Variants in FAT3 observed in about 807,000 individuals in gnomAD.
FAT3 encodes the protein protocadherin Fat 3.
In FAT3, 95 loss-of-function variants were observed where a neutral mutation model predicts 310.2. The ratio of observed to expected loss-of-function variants is 0.31; its 90% CI spans 0.26 to 0.36. FAT3 has a LOEUF of 0.36. Ranked by LOEUF, FAT3 falls within the 10% of genes least tolerant of loss-of-function variation. The probability of loss-of-function intolerance (pLI) is 1.00; values close to 1 mark genes in which losing one functional copy is unlikely to be tolerated. For missense variants in FAT3, 5,408 were observed against 5,715.6 expected (o/e 0.95, Z 1.74); for synonymous variants, 2,314 against 2,192.9 (o/e 1.06, Z -1.54).
intron 4 of FAT3, among the ~76,000 whole-genome samples, chr11:92,715,710 TTTGA>T (rs1454498944): frequency 1.3e-5 from 2 of 152,036 alleles, no homozygotes; most frequent in Non-Finnish European, 1.5e-5. Flanking sequence ...TATACCCAAC[TTTGA>T]GAAACAACTT....
At chr11:92,785,541 T>C (rs184822379) in intron 7 of FAT3, among the ~76,000 whole-genome samples, 4 of 152,030 alleles carry the variant, frequency 2.6e-5, no homozygotes, top group Admixed American at 6.6e-5. Context: ...AAATTTAATA[T>C]ACAAAAATCA....
At chr11:92,562,867 T>A (rs1367897980) in intron 3 of FAT3, among the ~76,000 whole-genome samples, 1 of 152,182 alleles carries the variant, frequency 6.6e-6, no homozygotes, top group East Asian at 1.9e-4. Context: ...CTCACACAGG[T>A]GAGGGTGGAT....
At chr11:92,838,513 G>A (rs1156642358) in intron 17 of FAT3, among the ~76,000 whole-genome samples, 2 of 152,136 alleles carry the variant, frequency 1.3e-5, no homozygotes, top group African/African-American at 4.8e-5. Flanking sequence ...AGTATTTCTA[G>A]GAGCTGAAAG....
intron 1 of FAT3, among the ~76,000 whole-genome samples, chr11:92,279,096 A>C (rs568122362): frequency 3.9e-5 from 6 of 152,294 alleles, no homozygotes; most frequent in African/African-American, 1.2e-4. Context: ...AGGAAAAGAA[A>C]TATTATTTTA....
intron 22 of FAT3, among the ~76,000 whole-genome samples, chr11:92,877,312 C>T (rs1052019937): frequency 6.6e-6 from 1 of 152,130 alleles, no homozygotes; most frequent in Non-Finnish European, 1.5e-5. Context: ...ATAAGAATTG[C>T]TCAAAACGGT....
At chr11:92,749,094 T>C (rs1219014792) in intron 4 of FAT3, 1 of 152,216 alleles carries the variant, frequency 6.6e-6, no homozygotes, top group Non-Finnish European at 1.5e-5. Context: ...TAAAGTTTCT[T>C]TCAACCTTTT....
chr11:92,866,721 A>G lies in FAT3; in HGVS notation c.11659-20A>G. 6.2e-7 allele frequency: 1 copy of G among 1,604,982 alleles called. No individual in the cohort carries two copies. Among genetic ancestry groups the G allele is most frequent in the Non-Finnish European group, 8.5e-7 (1 of 1,175,956 alleles). ...CCAGTTGCATGTTGAAAAGTGCTGC[A>G]CTGTTCCTTCCCCACGCAGATTGTG... On this transcript the variant is annotated intron_variant, in intron 21 of 27. Coordinates refer to ENST00000525166, the MANE Select transcript of FAT3 (RefSeq NM_001367949.2).
chr11:92,306,859 T>C (rs1947154339), intron 1 of FAT3, among the ~76,000 whole-genome samples: 1 of 146,868 alleles, frequency 6.8e-6, no homozygotes, highest in Non-Finnish European at 1.5e-5. Context: ...GGTGTGATCA[T>C]AGCTCACTGC....
chr11:92,886,826 G>A, intron 24 of FAT3, 174 bp from the exon 25 acceptor site: 1 of 593,990 alleles, frequency 1.7e-6, no homozygotes, highest in South Asian at 2.1e-5. Context: ...TCACTTGATT[G>A]ACAGAACTTT....
chr11:92,258,111 T>C (rs1459007599), intron 1 of FAT3, among the ~76,000 whole-genome samples: 2 of 152,158 alleles, frequency 1.3e-5, no homozygotes, highest in African/African-American at 4.8e-5. Context: ...TTCTCAAGTT[T>C]TATTACTGGC....
At position 92,623,176 on chromosome 11, in the gene FAT3, ACATGTT is replaced by A. The variant is rs59067215; in HGVS notation, c.3608-74207_3608-74202del. ...TGACCTGCCATAGTCCCATGTTGCT[ACATGTT>A]GCTACATGTTGCTACATTAGTCAAA... On this transcript the variant is annotated intron_variant, in intron 3 of 27. Transcript: ENST00000525166. Among the ~76,000 whole-genome samples the A allele has an allele frequency of 2.5e-4, 8 of 31,502 alleles. No homozygotes were observed. The African/African-American group carries it at 4.6e-3, about 18-fold the overall frequency. 20.7% of individuals were successfully genotyped at this position (31,502 alleles called of 152,430 possible). A position where few individuals can be genotyped will look rare whatever the true frequency, so the allele number is the denominator to read the frequency against.
intron 3 of FAT3, among the ~76,000 whole-genome samples, chr11:92,591,218 G>A (rs1939408061): frequency 6.6e-6 from 1 of 152,108 alleles, no homozygotes; most frequent in South Asian, 2.1e-4. Flanking sequence ...TTGAAAATGT[G>A]GCTTTGGTGA....
At chr11:92,583,442 T>C (rs1030347672) in intron 3 of FAT3, among the ~76,000 whole-genome samples, 1 of 152,072 alleles carries the variant, frequency 6.6e-6, no homozygotes, top group Non-Finnish European at 1.5e-5. Flanking sequence ...GTGAGATACC[T>C]ATATATTATC....
intron 1 of FAT3, among the ~76,000 whole-genome samples, chr11:92,270,802 C>A (rs2134334926): frequency 6.6e-6 from 1 of 152,182 alleles, no homozygotes; most frequent in African/African-American, 2.4e-5. Flanking sequence ...CTAAACAGAA[C>A]TAATGTTATT....
intron 3 of FAT3, among the ~76,000 whole-genome samples, chr11:92,608,294 C>T (rs180923509): frequency 6.6e-6 from 1 of 152,226 alleles, no homozygotes; most frequent in Non-Finnish European, 1.5e-5. Context: ...CACATGAGTT[C>T]TGATGGGTTT....
chr11:92,861,656 A>G (rs1020617338), intron 21 of FAT3, among the ~76,000 whole-genome samples: 5 of 152,232 alleles, frequency 3.3e-5, no homozygotes, highest in Admixed American at 2.6e-4. Flanking sequence ...TGCCTAAAGC[A>G]GGACACAGCT....
rs903825064 is a variant in FAT3, at chr11:92,352,847, A to T, written c.735A>T (p.Gly245=). The T allele has an allele frequency of 6.2e-7, 1 of 1,613,898 alleles. No individual in the cohort carries two copies. Residue 245 remains glycine, a synonymous_variant, in exon 2 of 28, where the codon GGA becomes GGT. Coordinates refer to ENST00000525166, the MANE Select transcript of FAT3 (RefSeq NM_001367949.2). ...DRGMKLYGNN[G]VSSTAKLYVH... is the part of the protein sequence containing the mutation. ...GAATGAAACTGTATGGGAACAATGG[A>T]GTGAGCAGTACTGCAAAGCTTTATG...
Position 92,851,776 on chromosome 11 carries a change from G to A in FAT3, c.11366-5438G>A, listed in dbSNP as rs181521547. ...ATCCCCCAAGCTGTCACCAAACACA[G>A]CACAAGTTAATTAAATCTGCATTAC... On this transcript the variant is annotated intron_variant, in intron 19 of 27. Coordinates refer to ENST00000525166, the MANE Select transcript of FAT3 (RefSeq NM_001367949.2). Among the ~76,000 whole-genome samples, 56 of 151,252 alleles carry A rather than the reference G, an allele frequency of 3.7e-4. 1 individual carries two copies. In the East Asian group the frequency reaches 8.8e-3, roughly 24 times the overall value.
At chr11:92,849,689 T>C (rs944401769) in intron 19 of FAT3, among the ~76,000 whole-genome samples, 12 of 152,138 alleles carry the variant, frequency 7.9e-5, no homozygotes, top group Non-Finnish European at 1.5e-4. Flanking sequence ...AAGAAAGACA[T>C]TGGAAGCAAT....
Sources: gnomAD v4.1 joint callset for allele counts (sites outside exome capture counted in the v4.1 genomes callset) on GRCh38, gnomAD v4.1.1 for gene constraint, MANE v1.5 for transcripts, NCBI Gene and HGNC (gene_info 2026-07-23, HGNC 2026-07-21) for gene names.